ITGA8: variants seen among roughly 807,000 people sequenced by gnomAD.
ITGA8 encodes the protein integrin alpha-8.
In ITGA8, 91 loss-of-function variants were observed where a neutral mutation model predicts 142.3. The ratio of observed to expected loss-of-function variants is 0.64; its 90% CI spans 0.54 to 0.76. The LOEUF is 0.76. Among genes scored for constraint, ITGA8 ranks in the 30% least tolerant of loss-of-function variants. ITGA8 has a pLI of 0.00. For synonymous variants in ITGA8, 505 were observed against 485.2 expected, an observed-to-expected ratio of 1.04 and a Z score of -0.54; for missense variants, 1,406 against 1,327.7, an observed-to-expected ratio of 1.06 and a Z score of -0.92.
At chr10:15,635,806 T>C (rs1042991909) in intron 13 of ITGA8, among the ~76,000 whole-genome samples, 1 of 152,156 alleles carries the variant, frequency 6.6e-6, no homozygotes, top group African/African-American at 2.4e-5. Flanking sequence ...CTAGTTCAAC[T>C]GAACTTCAAA....
At chr10:15,562,055 C>T (rs1287216164) in intron 25 of ITGA8, among the ~76,000 whole-genome samples, 1 of 152,148 alleles carries the variant, frequency 6.6e-6, no homozygotes, top group Non-Finnish European at 1.5e-5. Context: ...CTGAAACCAC[C>T]CCCGTGATCC....
intron 26 of ITGA8, among the ~76,000 whole-genome samples, chr10:15,549,601 C>T (rs1833756215): frequency 6.6e-6 from 1 of 152,182 alleles, no homozygotes; most frequent in Non-Finnish European, 1.5e-5. Flanking sequence ...AATGATACTT[C>T]TCTAATTGTA....
chr10:15,686,099 A>G (rs1834829175), intron 3 of ITGA8, among the ~76,000 whole-genome samples: 2 of 152,226 alleles, frequency 1.3e-5, no homozygotes, highest in African/African-American at 4.8e-5. Context: ...ATTTGATAGT[A>G]TGGTATCACA....
At position 15,516,345 on chromosome 10, in the gene ITGA8, T is replaced by C. The variant is rs1253879613; in HGVS notation, c.*813A>G. The C allele has an allele frequency of 2.0e-5, 3 of 152,216 alleles. No homozygotes were observed. Among genetic ancestry groups the C allele is most frequent in the Non-Finnish European group, 4.4e-5 (3 of 68,028 alleles). The allele number at this position is 152,216 out of a possible 1,614,324, so 9.4% of individuals were successfully genotyped here. On this transcript the variant is annotated 3_prime_UTR_variant, in exon 30 of 30. Transcript: ENST00000378076. ...CTGGATAATGTGAGTGAAAGGAATTTCAGATGGAAGGCAGCAAGGTATTAA... is the reference window on the plus strand; with the variant it reads ...CTGGATAATGTGAGTGAAAGGAATTCCAGATGGAAGGCAGCAAGGTATTAA...
chr10:15,520,318 C>A (rs1286109102), intron 28 of ITGA8, among the ~76,000 whole-genome samples: 1 of 152,156 alleles, frequency 6.6e-6, no homozygotes, highest in East Asian at 1.9e-4. Context: ...GAGGCTGACA[C>A]ACGAAAATTG....
intron 8 of ITGA8, among the ~76,000 whole-genome samples, chr10:15,661,895 A>G (rs1019152983): frequency 6.6e-6 from 1 of 152,184 alleles, no homozygotes; most frequent in African/African-American, 2.4e-5. Flanking sequence ...AGTTTTCAAT[A>G]ATCTTTATTT....
At chr10:15,533,997 C>G (rs1419891449) in intron 27 of ITGA8, among the ~76,000 whole-genome samples, 1 of 150,096 alleles carries the variant, frequency 6.7e-6, no homozygotes, top group Non-Finnish European at 1.5e-5. Flanking sequence ...ACCTCCACCT[C>G]CCGGGTTCAA....
At chr10:15,689,211 T>C (rs1033364234) in intron 2 of ITGA8, among the ~76,000 whole-genome samples, 1 of 152,210 alleles carries the variant, frequency 6.6e-6, no homozygotes, top group Non-Finnish European at 1.5e-5. Flanking sequence ...TTAGGACAGA[T>C]GGCATCAGCC....
rs139280055 is a variant in ITGA8, at chr10:15,718,896, C to A, written c.213G>T (p.Ala71=). ...CTTTGGGCGCCCCCACCAAGACACT[C>A]GCTCTGCAAAAGAGTTGGAGAAAGT... The part of the protein sequence containing the change: ...VDFHIPDART[A]SVLVGAPKAN... The change falls in exon 2 of 30, where the codon GCG becomes GCT. Residue 71 remains alanine, a synonymous_variant. Transcript: ENST00000378076. The A allele has an allele frequency of 3.7e-6, 6 of 1,614,068 alleles. No individual in the cohort carries two copies. Among genetic ancestry groups the A allele is most frequent in the Non-Finnish European group, 5.1e-6 (6 of 1,180,024 alleles).
At chr10:15,606,503 G>T in intron 17 of ITGA8, 81 bp from the exon 18 acceptor site, 1 of 1,332,466 alleles carries the variant, frequency 7.5e-7, no homozygotes, top group South Asian at 1.4e-5. Context: ...AGGCAACACT[G>T]GAATTTACTC....
At chr10:15,533,455 G>T (rs991046939) in intron 27 of ITGA8, among the ~76,000 whole-genome samples, 14 of 152,260 alleles carry the variant, frequency 9.2e-5, no homozygotes, top group Non-Finnish European at 1.5e-4. Flanking sequence ...AAAATCATGT[G>T]TGTACCTGGT....
intron 13 of ITGA8, among the ~76,000 whole-genome samples, chr10:15,617,581 G>C (rs1038550766): frequency 1.3e-5 from 2 of 151,834 alleles, no homozygotes; most frequent in Non-Finnish European, 2.9e-5. Flanking sequence ...TGTATTTTTT[G>C]GTAGAGACGG....
chr10:15,535,560 T>A (rs11812309), intron 27 of ITGA8, among the ~76,000 whole-genome samples: 30,085 of 151,990 alleles, frequency 0.2, 4,017 homozygotes, highest in African/African-American at 0.38. Context: ...GTATCTAGCT[T>A]CTCTGGTGGG....
chr10:15,656,370 TA>T (rs1324890550), intron 10 of ITGA8, among the ~76,000 whole-genome samples: 10 of 152,066 alleles, frequency 6.6e-5, no homozygotes, highest in African/African-American at 2.4e-4. Context: ...TTTATTTATT[TA>T]TTTATTTTTT....
chr10:15,521,433 C>A (rs1564334085), intron 28 of ITGA8, among the ~76,000 whole-genome samples: 1 of 152,130 alleles, frequency 6.6e-6, no homozygotes, highest in Non-Finnish European at 1.5e-5. Context: ...GCAGCAGATG[C>A]TGATGACTCA....
intron 27 of ITGA8, among the ~76,000 whole-genome samples, chr10:15,542,668 T>TA (rs1833593992): frequency 6.6e-6 from 1 of 152,178 alleles, no homozygotes; most frequent in South Asian, 2.1e-4. Flanking sequence ...TTCAGCAGTC[T>TA]AGTGTAGTAA....
chr10:15,557,416 A>G (rs1012623440), intron 26 of ITGA8, among the ~76,000 whole-genome samples: 4 of 152,172 alleles, frequency 2.6e-5, no homozygotes, highest in Non-Finnish European at 5.9e-5. Context: ...ATGAACACTG[A>G]AGATAGTATT....
intron 24 of ITGA8, among the ~76,000 whole-genome samples, chr10:15,572,707 G>T (rs1834207882): frequency 6.6e-6 from 1 of 152,112 alleles, no homozygotes; most frequent in Non-Finnish European, 1.5e-5. Flanking sequence ...TTGATTTTAT[G>T]CCTTCAAAAC....
intron 27 of ITGA8, among the ~76,000 whole-genome samples, chr10:15,547,239 C>A (rs1833690782): frequency 6.6e-6 from 1 of 152,124 alleles, no homozygotes; most frequent in Admixed American, 6.5e-5. Flanking sequence ...AAATGAAACT[C>A]TCATTTTCTT....
Sources: allele counts gnomAD v4.1 joint callset (sites outside exome capture counted in the v4.1 genomes callset), GRCh38; gene constraint gnomAD v4.1.1; transcripts MANE v1.5; gene names NCBI Gene and HGNC (gene_info 2026-07-23, HGNC 2026-07-21).